Variants in PTPRD observed in about 807,000 individuals in gnomAD.
PTPRD encodes receptor-type tyrosine-protein phosphatase delta.
In PTPRD, 34 loss-of-function variants were observed where a neutral mutation model predicts 214.5. The ratio of observed to expected loss-of-function variants is 0.16; its 90% CI spans 0.12 to 0.21. The LOEUF is 0.21. Ranked by LOEUF, PTPRD falls within the 10% of genes least tolerant of loss-of-function variation. The pLI, the probability that PTPRD is intolerant of heterozygous loss-of-function variation, is 1.00. For synonymous variants in PTPRD, 1,128 were observed against 845.7 expected (o/e 1.33, Z -5.79); for missense variants, 2,545 against 2,398.7 (o/e 1.06, Z -1.27).
intron 10 of PTPRD, among the ~76,000 whole-genome samples, chr9:9,124,949 C>T (rs2154468810): frequency 6.6e-6 from 1 of 152,284 alleles, no homozygotes; most frequent in South Asian, 2.1e-4. Flanking sequence ...CTCGTTATAA[C>T]AAGAGACTGC....
intron 10 of PTPRD, among the ~76,000 whole-genome samples, chr9:9,102,872 C>G (rs1239499036): frequency 1.3e-5 from 2 of 152,068 alleles, no homozygotes; most frequent in African/African-American, 2.4e-5. Flanking sequence ...TTGTGAATTG[C>G]TAGTTTCCAA....
chr9:8,492,710 T>C (rs2097176138), intron 27 of PTPRD, 152 bp downstream of exon 27: 1 of 452,844 alleles, frequency 2.2e-6, no homozygotes. Flanking sequence ...TCTATTTTTT[T>C]TTTTTTACCC....
chr9:10,032,150 CTG>C (rs1344147417), intron 4 of PTPRD, among the ~76,000 whole-genome samples: 4 of 152,120 alleles, frequency 2.6e-5, no homozygotes, highest in Non-Finnish European at 5.9e-5. Flanking sequence ...ATCTGATACA[CTG>C]TGAAAAACAA....
chr9:9,058,468 T>TTTTTTTTTTTTTTTG (rs869050654), intron 10 of PTPRD, among the ~76,000 whole-genome samples: 1 of 103,710 alleles, frequency 9.6e-6, no homozygotes. Flanking sequence ...TTTTTTTTTT[T>TTTTTTTTTTTTTTTG]GAGACGGAGT....
intron 11 of PTPRD, among the ~76,000 whole-genome samples, chr9:8,914,753 A>T (rs1298503350): frequency 6.6e-6 from 1 of 152,206 alleles, no homozygotes; most frequent in African/African-American, 2.4e-5. Context: ...TCAATAGTTT[A>T]GAATTTAGAC....
chr9:9,479,356 C>G (rs2095294714), intron 8 of PTPRD, among the ~76,000 whole-genome samples: 1 of 151,486 alleles, frequency 6.6e-6, no homozygotes, highest in African/African-American at 2.4e-5. Context: ...TGCACACACA[C>G]ACACACACAC....
intron 5 of PTPRD, among the ~76,000 whole-genome samples, chr9:9,925,044 G>C (rs898853955): frequency 6.6e-6 from 1 of 151,948 alleles, no homozygotes; most frequent in African/African-American, 2.4e-5. Context: ...TTAGCAGCTG[G>C]TATATAATTG....
At chr9:8,688,208 C>T (rs1008628392) in intron 12 of PTPRD, among the ~76,000 whole-genome samples, 1 of 152,080 alleles carries the variant, frequency 6.6e-6, no homozygotes, top group African/African-American at 2.4e-5. Context: ...TTCCCTTATC[C>T]CATTATTCTT....
At chr9:10,079,829 G>A (rs985839998) in intron 3 of PTPRD, among the ~76,000 whole-genome samples, 3 of 151,946 alleles carry the variant, frequency 2.0e-5, no homozygotes, top group Non-Finnish European at 4.4e-5. Context: ...TATTGTCACC[G>A]ACCCTAAAGG....
chr9:9,278,269 C>T (rs977055774), intron 9 of PTPRD, among the ~76,000 whole-genome samples: 4 of 151,194 alleles, frequency 2.6e-5, no homozygotes, highest in African/African-American at 9.7e-5. Context: ...TTTTAATAGA[C>T]TGGCATTTTC....
chr9:10,117,612 GT>G (rs35593505), intron 3 of PTPRD, among the ~76,000 whole-genome samples: 88,289 of 144,566 alleles, frequency 0.61, 27,585 homozygotes, highest in Middle Eastern at 0.83. Context: ...AAATCTCCCC[GT>G]TTTTTTTTTT....
At chr9:9,147,473 G>C in intron 10 of PTPRD, among the ~76,000 whole-genome samples, 1 of 151,670 alleles carries the variant, frequency 6.6e-6, no homozygotes. Context: ...TCCAGTGTTG[G>C]CAAACTACAC....
chr9:8,842,661 G>A (rs779170772), intron 11 of PTPRD, among the ~76,000 whole-genome samples: 17 of 152,144 alleles, frequency 1.1e-4, no homozygotes, highest in Non-Finnish European at 2.4e-4. Context: ...GTGGAGTCTG[G>A]AAGTCACTCA....
chr9:10,298,389 C>CA (rs5896385), intron 3 of PTPRD, among the ~76,000 whole-genome samples: 28,713 of 151,898 alleles, frequency 0.19, 3,798 homozygotes, highest in African/African-American at 0.35. Flanking sequence ...AATTATAGTA[C>CA]GATATGATCC....
At chr9:10,402,128 T>C (rs1173736185) in intron 2 of PTPRD, among the ~76,000 whole-genome samples, 1 of 151,592 alleles carries the variant, frequency 6.6e-6, no homozygotes, top group Non-Finnish European at 1.5e-5. Flanking sequence ...TGTTCCTATG[T>C]AATTAAAGAG....
chr9:8,452,090 T>C (rs1564910483), intron 33 of PTPRD, among the ~76,000 whole-genome samples: 1 of 152,206 alleles, frequency 6.6e-6, no homozygotes, highest in East Asian at 1.9e-4. Context: ...AAAATTACAA[T>C]TCACAATTTG....
intron 7 of PTPRD, among the ~76,000 whole-genome samples, chr9:9,595,572 GT>G (rs1563939927): frequency 3.5e-5 from 5 of 144,708 alleles, no homozygotes; most frequent in African/African-American, 5.0e-5. Flanking sequence ...GTGTGTGTGT[GT>G]GTGTATATAC....
intron 37 of PTPRD, among the ~76,000 whole-genome samples, chr9:8,387,550 T>C (rs2087582814): frequency 6.6e-6 from 1 of 152,154 alleles, no homozygotes. Context: ...ACAGACTGGG[T>C]AGGTTGGATT....
At chr9:8,556,185 T>C (rs2083695730) in intron 14 of PTPRD, among the ~76,000 whole-genome samples, 1 of 152,232 alleles carries the variant, frequency 6.6e-6, no homozygotes, top group African/African-American at 2.4e-5. Flanking sequence ...GTCTCTTCAA[T>C]GAAATGCAGA....
Sources: allele counts gnomAD v4.1 joint callset (sites outside exome capture counted in the v4.1 genomes callset), GRCh38; gene constraint gnomAD v4.1.1; transcripts MANE v1.5; gene names NCBI Gene and HGNC (gene_info 2026-07-23, HGNC 2026-07-21).